RYR3: variants seen among roughly 807,000 people sequenced by gnomAD.
The protein encoded by RYR3 is ryanodine receptor 3, also known as brain ryanodine receptor-calcium release channel.
In RYR3, 207 loss-of-function variants were observed where a neutral mutation model predicts 584.3. The ratio of observed to expected loss-of-function variants is 0.35; its 90% confidence interval spans 0.32 to 0.40. The LOEUF (loss-of-function observed/expected upper bound fraction) is 0.40. RYR3 is among the 10% of genes least tolerant of loss of function. The pLI is 1.00. For missense variants in RYR3, 5,616 were observed against 6,089.2 expected (o/e 0.92, Z 2.59); for synonymous variants, 2,416 against 2,248.5 (o/e 1.07, Z -2.11).
intron 38 of RYR3, among the ~76,000 whole-genome samples, chr15:33,695,719 G>A (rs909155548): frequency 8.6e-5 from 13 of 151,866 alleles, no homozygotes; most frequent in Admixed American, 2.6e-4. Context: ...TTATATAGCC[G>A]GTTTATTTGT....
Position 33,798,087 on chromosome 15 carries a change from T to C in RYR3, c.9831-2683T>C, listed in dbSNP as rs537026712. Among the ~76,000 whole-genome samples the C allele has an allele frequency of 4.5e-3, 684 of 151,314 alleles. 4 individuals are homozygous for C. Among genetic ancestry groups the C allele is most frequent in the Non-Finnish European group, 7.0e-3 (472 of 67,762 alleles). On this transcript the variant is annotated intron_variant, in intron 67 of 103. Coordinates refer to ENST00000634891, the MANE Select transcript of RYR3 (RefSeq NM_001036.6). ...CTCATGCCTTTGTCTGTCTGTCTTT[T>C]ATTTATTTATTTTTTTTGAGATGGA... is the stretch of plus-strand genomic sequence containing the variant.
intron 3 of RYR3, among the ~76,000 whole-genome samples, chr15:33,528,623 A>G (rs2054592788): frequency 6.6e-6 from 1 of 152,136 alleles, no homozygotes; most frequent in African/African-American, 2.4e-5. Flanking sequence ...AAGTGCCCTC[A>G]CTTTTGTTAA....
In RYR3 at chr15:33,696,402, C is replaced by T; in HGVS notation, c.6045C>T (p.Ile2015=). The T allele has an allele frequency of 3.1e-6, 5 of 1,613,970 alleles. No homozygotes were observed. Among genetic ancestry groups the T allele is most frequent in the Non-Finnish European group, 3.4e-6 (4 of 1,179,878 alleles). The change falls in exon 39 of 104, where the codon ATC becomes ATT. Residue 2015 remains isoleucine, a synonymous_variant. Coordinates refer to ENST00000634891, the MANE Select transcript of RYR3 (RefSeq NM_001036.6). ...GCCACACCTCTGTAAGCGACACCAT[C>T]AACCTGCTGGCTGCCCTGGGCCAAA... ...TISHTSVSDT[I]NLLAALGQIR...
intron 3 of RYR3, among the ~76,000 whole-genome samples, chr15:33,520,769 G>C (rs1169801282): frequency 2.0e-5 from 3 of 152,180 alleles, no homozygotes; most frequent in Non-Finnish European, 4.4e-5. Flanking sequence ...TGGCATCTGT[G>C]TTCAAAGAAA....
chr15:33,572,405 C>T (rs1042512833), intron 12 of RYR3, among the ~76,000 whole-genome samples: 3 of 151,712 alleles, frequency 2.0e-5, no homozygotes, highest in Admixed American at 1.3e-4. Flanking sequence ...AATGACAGTT[C>T]GAGGTTCAGG....
intron 27 of RYR3, among the ~76,000 whole-genome samples, chr15:33,643,223 T>C (rs1016637855): frequency 2.6e-5 from 4 of 152,142 alleles, no homozygotes; most frequent in Non-Finnish European, 5.9e-5. Flanking sequence ...CCCTGCCTCA[T>C]CCAGCAGCCT....
chr15:33,751,274 G>A (rs911979556), intron 57 of RYR3, among the ~76,000 whole-genome samples: 7 of 152,148 alleles, frequency 4.6e-5, no homozygotes, highest in Non-Finnish European at 1.0e-4. Context: ...TGGGTTAAAT[G>A]GTATTTCTAG....
At chr15:33,379,687 C>CTCTCTCTCTCTATATATATATATATA in intron 1 of RYR3, among the ~76,000 whole-genome samples, 4 of 125,514 alleles carry the variant, frequency 3.2e-5, no homozygotes, top group African/African-American at 1.1e-4. Context: ...CTCTCTCTCT[C>CTCTCTCTCTCTATATATATATATATA]TATATATATA....
rs1049798813 is a variant in RYR3 at position 33,865,291 on chromosome 15, T to G, written c.*65T>G. On this transcript the variant is annotated 3_prime_UTR_variant, in exon 104 of 104. Transcript: ENST00000634891. The stretch of plus-strand genomic sequence containing the variant: ...TTCCCATGAAATAAAGTCCCCTTTT[T>G]ACAGTTCTGCAACATATCTGAAATG... The G allele has an allele frequency of 1.7e-6, 2 of 1,150,034 alleles. No individual in the cohort carries two copies. Among genetic ancestry groups the G allele is most frequent in the African/African-American group, 3.1e-5 (2 of 65,290 alleles). The allele number at this position is 1,150,034 out of a possible 1,614,324, so 71.2% of individuals were successfully genotyped here.
intron 98 of RYR3, 92 bp from the exon 99 acceptor site, chr15:33,857,688 C>G (rs1242797463): frequency 5.2e-6 from 8 of 1,524,546 alleles, no homozygotes; most frequent in East Asian, 2.3e-5. Flanking sequence ...CCCGTCCTCA[C>G]TCTTCCTCCT....
rs368674742 is a variant in RYR3 at position 33,620,705 on chromosome 15, C to T, written c.2358-3102C>T. ...AATCTGGATCTCATAGGGCAAGTTA[C>T]GAAGGGGACCTTCAATATTTGTGGC... On this transcript the variant is annotated intron_variant, in intron 19 of 103. Coordinates refer to ENST00000634891, the MANE Select transcript of RYR3 (RefSeq NM_001036.6). 4.6e-5 allele frequency among the ~76,000 whole-genome samples: 7 copies of T among 152,320 alleles called. 1 individual carries two copies. In the South Asian group the frequency reaches 8.3e-4, roughly 18 times the overall value.
chr15:33,742,219 G>T, intron 51 of RYR3, 147 bp from the exon 52 acceptor site: 1 of 645,778 alleles, frequency 1.5e-6, no homozygotes. Flanking sequence ...GAATGTCACT[G>T]CGCCTGGAGT....
At chr15:33,710,631 T>G (rs1218158679) in intron 43 of RYR3, among the ~76,000 whole-genome samples, 1 of 152,116 alleles carries the variant, frequency 6.6e-6, no homozygotes, top group Non-Finnish European at 1.5e-5. Flanking sequence ...TCTGTGAGGC[T>G]CCACACCTGC....
intron 72 of RYR3, 123 bp from the exon 73 acceptor site, chr15:33,812,740 G>T (rs1371606742): frequency 1.1e-6 from 1 of 873,966 alleles, no homozygotes; most frequent in African/African-American, 1.7e-5. Context: ...TTGAGAAAAT[G>T]AAAGTGAAGT....
chr15:33,632,389 A>G (rs1048419211), intron 23 of RYR3, among the ~76,000 whole-genome samples: 4 of 152,244 alleles, frequency 2.6e-5, no homozygotes, highest in Non-Finnish European at 4.4e-5. Context: ...CAGTCAACTT[A>G]CAGACATTTG....
At position 33,658,929 on chromosome 15, in the gene RYR3, G is replaced by A. The variant is rs531257688; in HGVS notation, c.4309-791G>A. Among the ~76,000 whole-genome samples, 89 of 152,326 alleles carry A rather than the reference G, an allele frequency of 5.8e-4. 2 individuals are homozygous for A. In the Middle Eastern group the frequency reaches 0.02, roughly 35 times the overall value. On this transcript the variant is annotated intron_variant, in intron 32 of 103. Transcript: ENST00000634891. ...ATGGAGAGGAGTCCAGAGGAACCCGGGGAGAATTAGGGCTTTGAGAGGGAG... is the reference window on the plus strand; with the variant it reads ...ATGGAGAGGAGTCCAGAGGAACCCGAGGAGAATTAGGGCTTTGAGAGGGAG...
At chr15:33,315,684 G>A (rs1222776422) in intron 1 of RYR3, among the ~76,000 whole-genome samples, 1 of 152,164 alleles carries the variant, frequency 6.6e-6, no homozygotes, top group Non-Finnish European at 1.5e-5. Context: ...CCTTTCCAGG[G>A]AAACGTTCCC....
intron 12 of RYR3, among the ~76,000 whole-genome samples, chr15:33,571,986 G>T (rs1241773599): frequency 6.6e-6 from 1 of 152,000 alleles, no homozygotes; most frequent in African/African-American, 2.4e-5. Flanking sequence ...CTTAGTGGTT[G>T]CTCTAGGGAA....
At chr15:33,669,666 C>G (rs1035629407) in intron 37 of RYR3, among the ~76,000 whole-genome samples, 8 of 152,110 alleles carry the variant, frequency 5.3e-5, no homozygotes, top group African/African-American at 2.4e-5. Flanking sequence ...TTCCTTCTAC[C>G]TAAAAGAGCC....
Sources: gnomAD v4.1 joint callset for allele counts (sites outside exome capture counted in the v4.1 genomes callset) on GRCh38, gnomAD v4.1.1 for gene constraint, MANE v1.5 for transcripts, NCBI Gene and HGNC (gene_info 2026-07-23, HGNC 2026-07-21) for gene names.